Variants in ZNF385D observed in about 807,000 individuals in gnomAD.
ZNF385D encodes zinc finger protein 385D.
In ZNF385D, 15 loss-of-function variants were observed where a neutral mutation model predicts 35.8. That is an observed-to-expected ratio of 0.42 (90% CI 0.28 to 0.64). The LOEUF (loss-of-function observed/expected upper bound fraction) is 0.64. Ranked by LOEUF, ZNF385D falls within the 30% of genes least tolerant of loss-of-function variation. The pLI, the probability that ZNF385D is intolerant of heterozygous loss-of-function variation, is 0.23. For missense variants in ZNF385D, 474 were observed against 494.6 expected (o/e 0.96, Z 0.39); for synonymous variants, 212 against 186.8 (o/e 1.13, Z -1.10).
chr3:21,870,590 T>A lies in ZNF385D; in HGVS notation c.326-205562A>T, dbSNP rs80235957. 2.7e-3 allele frequency among the ~76,000 whole-genome samples: 411 copies of A among 152,308 alleles called. 2 individuals are homozygous for A. The highest frequency in any genetic ancestry group is 9.5e-3 in the African/African-American group (396 of 41,588). On this transcript the variant is annotated intron_variant, in intron 3 of 5. Coordinates refer to the ZNF385D transcript ENST00000494108. ...TATTTATGATCAATAAATGTCTTACTGTATGGTATCTTAATTTCTATGGCC... is the reference window on the plus strand; with the variant it reads ...TATTTATGATCAATAAATGTCTTACAGTATGGTATCTTAATTTCTATGGCC...
At position 21,851,472 on chromosome 3, in the gene ZNF385D, T is replaced by A. The variant is rs76185751; in HGVS notation, c.326-186444A>T. Among the ~76,000 whole-genome samples the A allele has an allele frequency of 3.9e-3, 594 of 152,188 alleles. 3 individuals carry two copies. Among genetic ancestry groups the A allele is most frequent in the African/African-American group, 0.014 (578 of 41,580 alleles). On this transcript the variant is annotated intron_variant, in intron 3 of 5. Coordinates refer to the ZNF385D transcript ENST00000494108. ...CACAAAACAAAAACTTGTACATGAA[T>A]GTTCACAGAACCTTTATTTAAAATA...
At position 22,338,417 on chromosome 3, in the gene ZNF385D, T is replaced by G. The variant is rs1316366192; in HGVS notation, c.106+34033A>C. On this transcript the variant is annotated intron_variant, in intron 2 of 5. Coordinates refer to the ZNF385D transcript ENST00000494108. ...ATAGAATTCCATAACAGTTTAGTAA[T>G]TGAAGACCTATGTAGCTGTAGATTG... Among the ~76,000 whole-genome samples the G allele has an allele frequency of 5.3e-5, 8 of 152,160 alleles. No individual in the cohort carries two copies. In the East Asian group the frequency reaches 1.5e-3, roughly 29 times the overall value.
chr3:22,098,546 C>T (rs1483803110), intron 3 of ZNF385D, among the ~76,000 whole-genome samples: 2 of 151,984 alleles, frequency 1.3e-5, no homozygotes, highest in African/African-American at 4.8e-5. Flanking sequence ...TAAGAATGGT[C>T]ATTTTAACAA....
chr3:22,307,368 C>A (rs113449679), intron 2 of ZNF385D, among the ~76,000 whole-genome samples: 1 of 152,070 alleles, frequency 6.6e-6, no homozygotes, highest in African/African-American at 2.4e-5. Context: ...GTTTTAATCA[C>A]AGAATTGAAG....
intron 3 of ZNF385D, among the ~76,000 whole-genome samples, chr3:21,527,870 A>G (rs375619283): frequency 1.3e-5 from 2 of 152,218 alleles, no homozygotes; most frequent in Non-Finnish European, 2.9e-5. Context: ...TTACGTGAGC[A>G]CTAAGAGCGT....
intron 1 of ZNF385D, among the ~76,000 whole-genome samples, chr3:21,691,635 T>A (rs988999053): frequency 4.6e-5 from 7 of 152,234 alleles, no homozygotes; most frequent in Non-Finnish European, 8.8e-5. Context: ...TATTTCATAA[T>A]TCTGATCATC....
intron 3 of ZNF385D, among the ~76,000 whole-genome samples, chr3:21,834,381 C>A (rs1014709153): frequency 6.6e-6 from 1 of 152,118 alleles, no homozygotes; most frequent in Non-Finnish European, 1.5e-5. Flanking sequence ...TTTGTTCAAG[C>A]CTTCTTAGAA....
intron 4 of ZNF385D, among the ~76,000 whole-genome samples, chr3:21,442,070 C>A (rs1184840727): frequency 6.6e-6 from 1 of 152,134 alleles, no homozygotes; most frequent in Non-Finnish European, 1.5e-5. Context: ...TTCAAAGTGG[C>A]CCATTTGTGA....
At chr3:21,800,466 T>C (rs1237912323) in intron 3 of ZNF385D, among the ~76,000 whole-genome samples, 1 of 152,146 alleles carries the variant, frequency 6.6e-6, no homozygotes, top group Non-Finnish European at 1.5e-5. Flanking sequence ...GTTGAACATC[T>C]AGTAGGTTAA....
intron 3 of ZNF385D, among the ~76,000 whole-genome samples, chr3:22,078,345 T>C (rs1240167864): frequency 6.6e-6 from 1 of 151,992 alleles, no homozygotes; most frequent in African/African-American, 2.4e-5. Context: ...TGCTCATCAT[T>C]TGGTGATCAT....
intron 3 of ZNF385D, among the ~76,000 whole-genome samples, chr3:21,836,275 T>C (rs1166697895): frequency 6.6e-6 from 1 of 152,140 alleles, no homozygotes; most frequent in African/African-American, 2.4e-5. Flanking sequence ...CATTTTCGTG[T>C]CACTTTTTCG....
chr3:21,798,481 G>A (rs114246964), intron 3 of ZNF385D, among the ~76,000 whole-genome samples: 1,815 of 152,216 alleles, frequency 0.012, 38 homozygotes, highest in African/African-American at 0.042. Context: ...CTCACAGCAT[G>A]GAAGCTTGCT....
intron 3 of ZNF385D, among the ~76,000 whole-genome samples, chr3:21,972,985 A>G (rs1432968052): frequency 4.6e-5 from 7 of 151,966 alleles, no homozygotes; most frequent in Non-Finnish European, 8.8e-5. Context: ...GAATTTTACC[A>G]AAGTTTTGAA....
intron 3 of ZNF385D, among the ~76,000 whole-genome samples, chr3:22,158,418 C>T (rs941380381): frequency 2.0e-5 from 3 of 151,906 alleles, no homozygotes; most frequent in African/African-American, 7.3e-5. Flanking sequence ...CATTTTTATC[C>T]CATTTCTTTT....
At chr3:21,964,358 G>A (rs1310304533) in intron 3 of ZNF385D, among the ~76,000 whole-genome samples, 3 of 120,616 alleles carry the variant, frequency 2.5e-5, no homozygotes, top group Middle Eastern at 7.5e-3. Context: ...CTCTTCCATA[G>A]CACTTGCTTC....
At position 22,299,543 on chromosome 3, in the gene ZNF385D, G is replaced by A. The variant is rs189180391; in HGVS notation, c.106+72907C>T. Among the ~76,000 whole-genome samples the A allele has an allele frequency of 4.1e-3, 620 of 151,894 alleles. 10 individuals are homozygous for A. The South Asian group carries it at 0.05, about 12-fold the overall frequency. ...ATTGGATAGTAAGAAGTTCCTGTTT[G>A]TGAACAACATGATCTTACAAATAGA... On this transcript the variant is annotated intron_variant, in intron 2 of 5. Transcript: ENST00000494108.
intron 2 of ZNF385D, among the ~76,000 whole-genome samples, chr3:22,180,701 T>A (rs886880259): frequency 6.6e-6 from 1 of 152,044 alleles, no homozygotes; most frequent in African/African-American, 2.4e-5. Context: ...ATTATCTCAA[T>A]AGATGCAGAA....
intron 3 of ZNF385D, among the ~76,000 whole-genome samples, chr3:21,888,396 G>A (rs1001253780): frequency 6.6e-6 from 1 of 152,116 alleles, no homozygotes; most frequent in Non-Finnish European, 1.5e-5. Flanking sequence ...AATTGAAGTT[G>A]GAGGAAGAAG....
intron 3 of ZNF385D, among the ~76,000 whole-genome samples, chr3:21,971,894 G>C (rs561941988): frequency 4.0e-5 from 6 of 151,868 alleles, no homozygotes; most frequent in Admixed American, 1.3e-4. Context: ...ATAAAGGGAT[G>C]AATAAGGAGA....
Sources: gnomAD v4.1 joint callset for allele counts (sites outside exome capture counted in the v4.1 genomes callset) on GRCh38, gnomAD v4.1.1 for gene constraint, MANE v1.5 for transcripts, NCBI Gene and HGNC (gene_info 2026-07-23, HGNC 2026-07-21) for gene names.